Variants in PTPRD observed in about 807,000 individuals in gnomAD.
The protein encoded by PTPRD is protein tyrosine phosphatase receptor type D.
A neutral mutation model predicts 214.5 loss-of-function variants in PTPRD; 34 were observed. The ratio of observed to expected loss-of-function variants is 0.16; its 90% CI spans 0.12 to 0.21. The LOEUF is 0.21. Ranked by LOEUF, PTPRD falls within the 10% of genes least tolerant of loss-of-function variation. The pLI, the probability that PTPRD is intolerant of heterozygous loss-of-function variation, is 1.00. For missense variants in PTPRD, 2,545 were observed against 2,398.7 expected (o/e 1.06, Z -1.27); for synonymous variants, 1,128 against 845.7 (o/e 1.33, Z -5.79).
intron 4 of PTPRD, among the ~76,000 whole-genome samples, chr9:9,957,650 C>G (rs886795388): frequency 1.3e-5 from 2 of 151,628 alleles, no homozygotes; most frequent in Non-Finnish European, 2.9e-5. Context: ...AAACAAAAAG[C>G]AAAAAACCTT....
At chr9:10,446,036 C>A (rs546202659) in intron 2 of PTPRD, among the ~76,000 whole-genome samples, 1 of 151,954 alleles carries the variant, frequency 6.6e-6, no homozygotes, top group Non-Finnish European at 1.5e-5. Flanking sequence ...AGATTCTTAA[C>A]ACAGGATCCA....
chr9:9,502,737 T>G (rs1259888111), intron 8 of PTPRD, among the ~76,000 whole-genome samples: 2 of 151,956 alleles, frequency 1.3e-5, no homozygotes, highest in Non-Finnish European at 2.9e-5. Context: ...ATTCATGTAT[T>G]GTTTATAAAA....
At chr9:10,348,014 T>A (rs969704168) in intron 2 of PTPRD, among the ~76,000 whole-genome samples, 1 of 152,054 alleles carries the variant, frequency 6.6e-6, no homozygotes, top group African/African-American at 2.4e-5. Flanking sequence ...CCCGAGATCA[T>A]GCCACTGCAC....
chr9:8,472,887 T>C (rs1376624412), intron 30 of PTPRD, among the ~76,000 whole-genome samples: 3 of 152,104 alleles, frequency 2.0e-5, no homozygotes, highest in African/African-American at 7.2e-5. Flanking sequence ...GGCTGATCTT[T>C]GGCTTAGACC....
chr9:9,327,573 A>G (rs1405807962), intron 9 of PTPRD, among the ~76,000 whole-genome samples: 1 of 152,184 alleles, frequency 6.6e-6, no homozygotes, highest in Non-Finnish European at 1.5e-5. Context: ...TCCATGACAG[A>G]TAGTAATAAC....
At chr9:9,776,128 C>G (rs2098797048) in intron 5 of PTPRD, among the ~76,000 whole-genome samples, 1 of 152,126 alleles carries the variant, frequency 6.6e-6, no homozygotes, top group Non-Finnish European at 1.5e-5. Flanking sequence ...TAGCCATGCC[C>G]ACGTTCTGCT....
At chr9:8,481,895 G>A (rs560563832) in intron 30 of PTPRD, among the ~76,000 whole-genome samples, 3 of 152,202 alleles carry the variant, frequency 2.0e-5, no homozygotes, top group South Asian at 2.1e-4. Context: ...CGATTCTCCC[G>A]CCTCAGTCTC....
At chr9:9,369,220 CA>C (rs756579169) in intron 9 of PTPRD, among the ~76,000 whole-genome samples, 4 of 152,062 alleles carry the variant, frequency 2.6e-5, no homozygotes, top group African/African-American at 4.8e-5. Flanking sequence ...TTTACAGTCC[CA>C]CCAACAGTGT....
chr9:9,810,527 A>C (rs2046822671), intron 5 of PTPRD, among the ~76,000 whole-genome samples: 1 of 152,114 alleles, frequency 6.6e-6, no homozygotes, highest in African/African-American at 2.4e-5. Context: ...GAAATAAAAC[A>C]ACAAAGACTG....
chr9:9,553,574 G>C (rs994832405), intron 8 of PTPRD, among the ~76,000 whole-genome samples: 3 of 151,804 alleles, frequency 2.0e-5, no homozygotes, highest in African/African-American at 7.3e-5. Flanking sequence ...CAGTGTTTTG[G>C]TGTTTCTAAA....
In PTPRD at chr9:9,270,514, A is replaced by G. The variant is rs188707005; in HGVS notation, c.-202-87151T>C. Among the ~76,000 whole-genome samples the G allele has an allele frequency of 2.1e-3, 316 of 151,486 alleles. 2 individuals are homozygous for G. The highest frequency in any genetic ancestry group is 1.6e-3 in the Non-Finnish European group (109 of 67,578). ...AGGGCTTAGAACAGTCAAGGAAACAATGGAAGGCTGACGTGGCTGAGTGTG... is the reference window on the plus strand; with the variant it reads ...AGGGCTTAGAACAGTCAAGGAAACAGTGGAAGGCTGACGTGGCTGAGTGTG... On this transcript the variant is annotated intron_variant, in intron 9 of 45. Transcript: ENST00000381196.
chr9:9,062,939 T>TTGAA (rs1289602340), intron 10 of PTPRD, among the ~76,000 whole-genome samples: 1 of 152,200 alleles, frequency 6.6e-6, no homozygotes, highest in Admixed American at 6.5e-5. Flanking sequence ...CAGAAAGTAT[T>TTGAA]TGAATTCATC....
At chr9:8,856,272 C>G (rs1322173902) in intron 11 of PTPRD, among the ~76,000 whole-genome samples, 1 of 152,062 alleles carries the variant, frequency 6.6e-6, no homozygotes, top group Admixed American at 6.6e-5. Context: ...CCTTGTTTTA[C>G]TCAAGTTGAG....
At chr9:8,328,358 G>T (rs1836160515) in intron 44 of PTPRD, among the ~76,000 whole-genome samples, 1 of 152,154 alleles carries the variant, frequency 6.6e-6, no homozygotes, top group Non-Finnish European at 1.5e-5. Flanking sequence ...ACTGTCTTCT[G>T]GCTTGTAGGG....
chr9:10,594,886 A>G (rs2076272638), intron 2 of PTPRD, among the ~76,000 whole-genome samples: 1 of 152,020 alleles, frequency 6.6e-6, no homozygotes, highest in African/African-American at 2.4e-5. Context: ...CTACTTAGTT[A>G]TGGAATCATT....
intron 7 of PTPRD, among the ~76,000 whole-genome samples, chr9:9,610,216 A>T (rs879199852): frequency 6.6e-6 from 1 of 152,214 alleles, no homozygotes; most frequent in Admixed American, 6.5e-5. Flanking sequence ...GAAAATGAGG[A>T]TAATTACCCA....
intron 8 of PTPRD, among the ~76,000 whole-genome samples, chr9:9,545,483 G>C (rs527530154): frequency 2.0e-5 from 3 of 151,798 alleles, no homozygotes; most frequent in Admixed American, 1.3e-4. Context: ...CTATTGTTTA[G>C]ATGTGCCACA....
rs181946649 is a variant in PTPRD, at chr9:8,328,691, A to C, written c.5534+2891T>G. Among the ~76,000 whole-genome samples, 60 of 151,834 alleles carry C rather than the reference A, an allele frequency of 4.0e-4. No individual in the cohort carries two copies. In the East Asian group the frequency reaches 0.011, roughly 28 times the overall value. The stretch of plus-strand genomic sequence containing the variant: ...CAATCAAAGTAAATTTGGTGTTTTC[A>C]TATAGTCCCATATTTCTCGGAGGCT... On this transcript the variant is annotated intron_variant, in intron 44 of 45. Transcript: ENST00000381196.
chr9:10,294,428 T>C (rs1201693659), intron 3 of PTPRD, among the ~76,000 whole-genome samples: 2 of 151,986 alleles, frequency 1.3e-5, no homozygotes, highest in Non-Finnish European at 2.9e-5. Flanking sequence ...AATTATTTTA[T>C]GTGGTGCTTT....
Sources: gnomAD v4.1 joint callset for allele counts (sites outside exome capture counted in the v4.1 genomes callset) on GRCh38, gnomAD v4.1.1 for gene constraint, MANE v1.5 for transcripts, NCBI Gene and HGNC (gene_info 2026-07-23, HGNC 2026-07-21) for gene names.